Variants in HOOK1 observed in about 807,000 individuals in gnomAD.
HOOK1 encodes protein Hook homolog 1.
HOOK1 carries 60 observed loss-of-function variants against 112.8 expected under a neutral mutation model. The ratio of observed to expected loss-of-function variants is 0.53; its 90% CI spans 0.43 to 0.66. The LOEUF (loss-of-function observed/expected upper bound fraction) is 0.66, where lower values mean the gene tolerates loss of function less well. Ranked by LOEUF, HOOK1 falls within the 30% of genes least tolerant of loss-of-function variation. The probability of loss-of-function intolerance (pLI) is 0.00; values close to 1 mark genes in which losing one functional copy is unlikely to be tolerated. For synonymous variants in HOOK1, 294 were observed against 283.8 expected, an observed-to-expected ratio of 1.04 and a Z score of -0.36; for missense variants, 770 against 856.0, an observed-to-expected ratio of 0.90 and a Z score of 1.25.
chr1:59,832,254 T>C (rs1156708227), intron 4 of HOOK1, 41 bp downstream of exon 4: 1 of 1,186,426 alleles, frequency 8.4e-7, no homozygotes, highest in South Asian at 1.4e-5. Context: ...CATCATGCTA[T>C]ACGAAAATTA....
rs1559066668 is a variant in HOOK1, at chr1:59,875,534, T to C, written c.*2569T>C. 1 of 152,726 alleles carries C rather than the reference T, an allele frequency of 6.5e-6. No individual in the cohort carries two copies. The highest frequency in any genetic ancestry group is 1.9e-4 in the East Asian group (1 of 5,182). 9.5% of individuals were successfully genotyped at this position (152,726 alleles called of 1,614,324 possible). On this transcript the variant is annotated 3_prime_UTR_variant, in exon 22 of 22. Coordinates refer to ENST00000371208, the MANE Select transcript of HOOK1 (RefSeq NM_015888.6). ...ATTATAAACATTTCATCTTGAACCA[T>C]GATTTATACACATCTGTGTTATAAG...
At position 59,858,431 on chromosome 1, in the gene HOOK1, CTAAT is replaced by C. The variant is rs1257460489; in HGVS notation, c.1248_1251del (p.Ile417SerfsTer6). 5 of 1,602,360 alleles carry C rather than the reference CTAAT, an allele frequency of 3.1e-6. No individual in the cohort carries two copies. The highest frequency in any genetic ancestry group is 4.3e-6 in the Non-Finnish European group (5 of 1,169,528). The stretch of plus-strand genomic sequence containing the variant: ...TGATATCAACAATTCTTTTCAGAGA[CTAAT>C]TGAGCAGCGTGATACTTTGAAAGAA... On this transcript the variant is annotated frameshift_variant, in exon 13 of 22. Coordinates refer to ENST00000371208, the MANE Select transcript of HOOK1 (RefSeq NM_015888.6). LOFTEE classifies it high-confidence loss of function.
intron 3 of HOOK1, among the ~76,000 whole-genome samples, chr1:59,830,028 T>C (rs529587803): frequency 2.0e-5 from 3 of 152,096 alleles, no homozygotes; most frequent in African/African-American, 7.2e-5. Context: ...GTTGCCTTTC[T>C]TTTATTTATT....
rs532426103 is a variant in HOOK1 at position 59,865,357 on chromosome 1, A to G, written c.1744+112A>G. The G allele has an allele frequency of 2.1e-5, 12 of 563,376 alleles. No homozygotes were observed. The South Asian group carries it at 3.3e-4, about 16-fold the overall frequency. The allele number at this position is 563,376 out of a possible 1,614,324, so 34.9% of individuals were successfully genotyped here. The stretch of plus-strand genomic sequence containing the variant: ...GTTTTTGCACAATGTGTAGATACAT[A>G]TATTGTAAATAAGGACTATGATAAT... On this transcript the variant is annotated intron_variant, in intron 18 of 21. Coordinates refer to ENST00000371208, the MANE Select transcript of HOOK1 (RefSeq NM_015888.6).
intron 2 of HOOK1, among the ~76,000 whole-genome samples, chr1:59,828,515 T>G (rs2098391540): frequency 6.6e-6 from 1 of 152,116 alleles, no homozygotes; most frequent in African/African-American, 2.4e-5. Context: ...AAAATGTTGG[T>G]TTTTTACCTC....
intron 1 of HOOK1, among the ~76,000 whole-genome samples, chr1:59,815,828 T>C (rs1427373364): frequency 6.6e-6 from 1 of 151,744 alleles, no homozygotes; most frequent in Non-Finnish European, 1.5e-5. Flanking sequence ...CTCCTCTAAA[T>C]GGACAGCATT....
Position 59,858,481 on chromosome 1 carries a change from T to C in HOOK1, c.1296T>C (p.Cys432=). The C allele has an allele frequency of 6.2e-7, 1 of 1,613,332 alleles. No individual in the cohort carries two copies. Among genetic ancestry groups the C allele is most frequent in the Non-Finnish European group, 8.5e-7 (1 of 1,179,308 alleles). The change falls in exon 13 of 22, where the codon TGT becomes TGC. Residue 432 remains cysteine (C), a synonymous_variant. Coordinates refer to ENST00000371208, the MANE Select transcript of HOOK1 (RefSeq NM_015888.6). The part of the protein sequence containing the change: ...TLKETNEELR[C]SQVQQDHLNQ... ...AAGAAACAAATGAAGAGCTTCGATG[T>C]TCACAAGTACAACAGGACCACCTAA... is the stretch of plus-strand genomic sequence containing the variant.
chr1:59,863,000 C>A, intron 16 of HOOK1, 123 bp downstream of exon 16: 2 of 546,062 alleles, frequency 3.7e-6, no homozygotes, highest in Non-Finnish European at 6.7e-6. Context: ...CCTTAAATAC[C>A]GTATATATCT....
At chr1:59,830,401 T>C (rs557980072) in intron 3 of HOOK1, among the ~76,000 whole-genome samples, 113 of 152,270 alleles carry the variant, frequency 7.4e-4, no homozygotes, top group African/African-American at 2.6e-3. Context: ...CACACTATAT[T>C]TCTTGTGTGT....
At chr1:59,865,038 C>G in intron 17 of HOOK1, 125 bp from the exon 18 acceptor site, 1 of 658,386 alleles carries the variant, frequency 1.5e-6, no homozygotes, top group Non-Finnish European at 2.8e-6. Context: ...CATGACAACC[C>G]CTGCAGTCAT....
Position 59,865,890 on chromosome 1 carries a change from T to G in HOOK1, c.1763T>G (p.Leu588Arg). The part of the protein sequence containing the change: ...INQNVQKINE[L>R]EAALQKKDED... ...CTAATAGTACAAAAGATCAATGAAC[T>G]TGAAGCTGCTCTTCAGAAGAAAGAT... Residue 588 changes from leucine (L) to arginine (R), a missense_variant, in exon 19 of 22, where the codon CTT (leucine) becomes CGT (arginine). Around this residue, in one of 3 missense-constraint regions of HOOK1, gnomAD observed 655 missense variants for 725.9 expected, o/e 0.90. Transcript: ENST00000371208. 6.3e-7 allele frequency: 1 copy of G among 1,582,626 alleles called. No individual in the cohort carries two copies. The highest frequency in any genetic ancestry group is 8.6e-7 in the Non-Finnish European group (1 of 1,161,246).
At position 59,836,890 on chromosome 1, in the gene HOOK1, A is replaced by AT. The variant is rs1198629884; in HGVS notation, c.494dup (p.Leu165PhefsTer7). On this transcript the variant is annotated frameshift_variant, in exon 7 of 22. Transcript: ENST00000371208. LOFTEE classifies it high-confidence loss of function. ...TTTCCTAGTTGATGAGTAAAGAAAT[A>AT]TTGAGCTCTCCTCCAAATGATGCTG... is the stretch of plus-strand genomic sequence containing the variant. 1.3e-6 allele frequency: 2 copies of AT among 1,588,190 alleles called. No individual in the cohort carries two copies. Among genetic ancestry groups the AT allele is most frequent in the African/African-American group, 2.7e-5 (2 of 74,460 alleles).
chr1:59,847,209 AAT>A (rs762110948), intron 10 of HOOK1, 24 bp downstream of exon 10: 1 of 1,570,346 alleles, frequency 6.4e-7, no homozygotes, highest in Admixed American at 2.0e-5. Flanking sequence ...TAAAAAATAT[AAT>A]TATGCCATTT....
At chr1:59,826,380 T>G (rs191306500) in intron 2 of HOOK1, among the ~76,000 whole-genome samples, 2 of 151,720 alleles carry the variant, frequency 1.3e-5, no homozygotes, top group African/African-American at 4.8e-5. Flanking sequence ...TTTCTGAGGT[T>G]GGAGATCAAG....
chr1:59,848,976 A>C (rs2294947), intron 11 of HOOK1, 97 bp from the exon 12 acceptor site: 84,077 of 579,500 alleles, frequency 0.15, 7,385 homozygotes, highest in African/African-American at 0.35. Context: ...ATATTTATTC[A>C]TAATCAGTTT....
At chr1:59,868,487 T>C (rs1207897592) in intron 20 of HOOK1, 136 bp downstream of exon 20, 4 of 662,020 alleles carry the variant, frequency 6.0e-6, no homozygotes, top group Non-Finnish European at 1.1e-5. Flanking sequence ...AGTGTGTTTA[T>C]TACAAAGCAT....
At chr1:59,858,576 C>A in intron 13 of HOOK1, 61 bp downstream of exon 13, 2 of 1,105,408 alleles carry the variant, frequency 1.8e-6, no homozygotes, top group South Asian at 1.3e-5. Context: ...CTCCATTCAA[C>A]AAAAAATAAA....
At chr1:59,852,200 C>T (rs75566210) in intron 12 of HOOK1, among the ~76,000 whole-genome samples, 2 of 151,556 alleles carry the variant, frequency 1.3e-5, no homozygotes, top group Non-Finnish European at 3.0e-5. Context: ...TGCTTTTTTA[C>T]GTTTTGGGAA....
chr1:59,860,124 T>TA, intron 14 of HOOK1, 64 bp from the exon 15 acceptor site: 4 of 1,323,256 alleles, frequency 3.0e-6, no homozygotes, highest in Non-Finnish European at 4.0e-6. Flanking sequence ...TTCCTTTTTT[T>TA]AACTAAAGAA....
Sources: gnomAD v4.1 joint callset for allele counts (sites outside exome capture counted in the v4.1 genomes callset) on GRCh38, gnomAD v4.1.1 for gene constraint, gnomAD v4.1.1 regional missense constraint, MANE v1.5 for transcripts, NCBI Gene and HGNC (gene_info 2026-07-23, HGNC 2026-07-21) for gene names.